The following SCARA5 variants were observed in gnomAD, a reference collection of about 807,000 sequenced individuals.
SCARA5 encodes scavenger receptor class A, member 5 (putative).
A neutral mutation model predicts 46.3 loss-of-function variants in SCARA5; 45 were observed. The ratio of observed to expected loss-of-function variants is 0.97; its 90% CI spans 0.76 to 1.24. SCARA5 has a LOEUF of 1.24. SCARA5 is among the 50% of genes most tolerant of loss of function. SCARA5 has a pLI of 0.00. For missense variants in SCARA5, 680 were observed against 689.0 expected, an observed-to-expected ratio of 0.99 and a Z score of 0.15; for synonymous variants, 333 against 306.5, an observed-to-expected ratio of 1.09 and a Z score of -0.90.
chr8:27,871,057 G>A lies in SCARA5; in HGVS notation c.*877C>T, dbSNP rs1563507555. ...TCACGCCCTGGAGGTTCTGAAGTAGGCAACTTTCTAGTTACACAGGTCCTG... is the reference window on the plus strand; with the variant it reads ...TCACGCCCTGGAGGTTCTGAAGTAGACAACTTTCTAGTTACACAGGTCCTG... On this transcript the variant is annotated 3_prime_UTR_variant, in exon 9 of 9. Transcript: ENST00000354914. 1.3e-5 allele frequency: 2 copies of A among 152,216 alleles called. 1 individual carries two copies. The highest frequency in any genetic ancestry group is 4.8e-5 in the African/African-American group (2 of 41,452). The allele number at this position is 152,216 out of a possible 1,614,324, so 9.4% of individuals were successfully genotyped here.
chr8:27,932,837 G>T (rs1807797863), intron 3 of SCARA5, among the ~76,000 whole-genome samples: 1 of 152,156 alleles, frequency 6.6e-6, no homozygotes, highest in African/African-American at 2.4e-5. Context: ...CATCATATTG[G>T]CCAGGGTGGG....
At chr8:27,951,803 G>A (rs770438612) in intron 3 of SCARA5, among the ~76,000 whole-genome samples, 13 of 152,294 alleles carry the variant, frequency 8.5e-5, no homozygotes, top group East Asian at 5.8e-4. Flanking sequence ...CATTTTTCAC[G>A]GGGAATGACT....
chr8:27,925,250 A>G (rs1366380209), intron 3 of SCARA5, among the ~76,000 whole-genome samples: 2 of 152,240 alleles, frequency 1.3e-5, no homozygotes, highest in African/African-American at 4.8e-5. Flanking sequence ...CTACAAGGCT[A>G]CAGTAACCAA....
intron 3 of SCARA5, among the ~76,000 whole-genome samples, chr8:27,928,362 C>A (rs1322084811): frequency 6.6e-6 from 1 of 152,186 alleles, no homozygotes; most frequent in East Asian, 1.9e-4. Context: ...CAGTGTAATA[C>A]CAAGTGGCTT....
intron 4 of SCARA5, among the ~76,000 whole-genome samples, chr8:27,910,912 G>A (rs1480364141): frequency 6.6e-6 from 1 of 152,200 alleles, no homozygotes; most frequent in Non-Finnish European, 1.5e-5. Flanking sequence ...CCATGACAAT[G>A]GCGTGTGCTG....
At chr8:27,911,283 T>A (rs946440803) in intron 4 of SCARA5, among the ~76,000 whole-genome samples, 1 of 152,190 alleles carries the variant, frequency 6.6e-6, no homozygotes, top group African/African-American at 2.4e-5. Context: ...CTGTGTCCCA[T>A]CTTTCCTAAG....
chr8:27,921,247 C>G (rs757728553), intron 4 of SCARA5, among the ~76,000 whole-genome samples: 2 of 152,228 alleles, frequency 1.3e-5, no homozygotes, highest in African/African-American at 4.8e-5. Flanking sequence ...AGCACACCCA[C>G]GCAAGCTGAC....
chr8:27,894,417 C>T (rs1406954823), intron 7 of SCARA5, among the ~76,000 whole-genome samples: 7 of 152,180 alleles, frequency 4.6e-5, no homozygotes, highest in Non-Finnish European at 7.3e-5. Context: ...TGGGGTCTGC[C>T]GGATCCACTC....
intron 2 of SCARA5, among the ~76,000 whole-genome samples, chr8:27,972,996 C>T (rs989060854): frequency 6.6e-6 from 1 of 152,182 alleles, no homozygotes; most frequent in Admixed American, 6.5e-5. Context: ...TCTGGCGACC[C>T]CACTAGTCTC....
In SCARA5 at chr8:27,922,234, G is replaced by T. The variant is rs1247889500; in HGVS notation, c.253C>A (p.Arg85Ser). Residue 85 changes from arginine to serine, a missense_variant, in exon 4 of 9, where the codon CGC becomes AGC. Coordinates refer to ENST00000354914, the MANE Select transcript of SCARA5 (RefSeq NM_173833.6). Reference protein sequence around the residue: ...GIFILAVSRPRSSPDDLKALT... With the variant: ...GIFILAVSRPSSSPDDLKALT... ...GCCTTCAGGTCGTCAGGGGAGCTGCGCGGCCTGGACACTGCGGAGGAGGAA... is the reference window on the plus strand; with the variant it reads ...GCCTTCAGGTCGTCAGGGGAGCTGCTCGGCCTGGACACTGCGGAGGAGGAA... 1.3e-6 allele frequency: 2 copies of T among 1,566,682 alleles called. No individual in the cohort carries two copies. The highest frequency in any genetic ancestry group is 1.2e-5 in the South Asian group (1 of 83,100).
At chr8:27,946,910 A>G (rs2129887272) in intron 3 of SCARA5, among the ~76,000 whole-genome samples, 1 of 150,098 alleles carries the variant, frequency 6.7e-6, no homozygotes, top group South Asian at 2.1e-4. Context: ...GAATGACTGA[A>G]TTCATGATCC....
chr8:27,899,557 T>C (rs886402781), intron 7 of SCARA5, among the ~76,000 whole-genome samples: 2 of 152,190 alleles, frequency 1.3e-5, no homozygotes, highest in African/African-American at 4.8e-5. Flanking sequence ...CACGAGGCAT[T>C]GGTCATGTGC....
intron 3 of SCARA5, among the ~76,000 whole-genome samples, chr8:27,962,389 A>T (rs12550422): frequency 0.071 from 10,738 of 152,304 alleles, 501 homozygotes; most frequent in East Asian, 0.19. Flanking sequence ...TAATTGGTGC[A>T]TGGGTCCCCT....
chr8:27,988,637 G>T (rs772929289), intron 1 of SCARA5, among the ~76,000 whole-genome samples: 7 of 152,204 alleles, frequency 4.6e-5, no homozygotes, highest in Admixed American at 1.3e-4. Context: ...GTAATGAGAA[G>T]AATCTGTTTT....
At chr8:27,961,702 C>T (rs576731318) in intron 3 of SCARA5, among the ~76,000 whole-genome samples, 34 of 152,234 alleles carry the variant, frequency 2.2e-4, no homozygotes, top group African/African-American at 5.3e-4. Context: ...GAAGTCTACA[C>T]GGTCCTGCCT....
chr8:27,896,210 C>G (rs944277696), intron 7 of SCARA5, among the ~76,000 whole-genome samples: 2 of 152,164 alleles, frequency 1.3e-5, no homozygotes, highest in Non-Finnish European at 2.9e-5. Flanking sequence ...GCCTGCAGCC[C>G]TCCTTGCTGT....
chr8:27,898,590 A>G (rs746909489), intron 7 of SCARA5, among the ~76,000 whole-genome samples: 1 of 152,256 alleles, frequency 6.6e-6, no homozygotes, highest in Non-Finnish European at 1.5e-5. Context: ...TGACAGGAGC[A>G]TCTCTTGTGA....
At chr8:27,892,166 T>G (rs1349623095) in intron 7 of SCARA5, among the ~76,000 whole-genome samples, 2 of 152,126 alleles carry the variant, frequency 1.3e-5, no homozygotes, top group African/African-American at 4.8e-5. Flanking sequence ...GCAGGGATGG[T>G]GGAATCAATA....
At chr8:27,931,282 C>T (rs370653626) in intron 3 of SCARA5, among the ~76,000 whole-genome samples, 2 of 152,182 alleles carry the variant, frequency 1.3e-5, no homozygotes, top group Non-Finnish European at 2.9e-5. Context: ...TCTCTGCTGT[C>T]GCTCTTCTGA....
Sources: gnomAD v4.1 joint callset for allele counts (sites outside exome capture counted in the v4.1 genomes callset) on GRCh38, gnomAD v4.1.1 for gene constraint, MANE v1.5 for transcripts, NCBI Gene and HGNC (gene_info 2026-07-23, HGNC 2026-07-21) for gene names.